Variants in TOGARAM1 observed in about 807,000 individuals in gnomAD.
TOGARAM1 encodes the protein TOG array regulator of axonemal microtubules protein 1.
A neutral mutation model predicts 166.6 loss-of-function variants in TOGARAM1; 100 were observed. The observed-to-expected ratio is 0.60, with a 90% CI of 0.51 to 0.71. The LOEUF (loss-of-function observed/expected upper bound fraction) is 0.71. TOGARAM1 is among the 30% of genes least tolerant of loss of function. The pLI is 0.00. For synonymous variants in TOGARAM1, 758 were observed against 763.8 expected, an observed-to-expected ratio of 0.99 and a Z score of 0.13; for missense variants, 2,029 against 2,102.7, an observed-to-expected ratio of 0.96 and a Z score of 0.69.
At chr14:45,037,841 C>T (rs1881511169) in intron 11 of TOGARAM1, among the ~76,000 whole-genome samples, 1 of 149,598 alleles carries the variant, frequency 6.7e-6, no homozygotes, top group Non-Finnish European at 1.5e-5. Flanking sequence ...TCCTGGTTAA[C>T]ACGGTGAAAC....
chr14:45,011,277 A>G (rs1302933301), intron 6 of TOGARAM1, among the ~76,000 whole-genome samples: 1 of 149,874 alleles, frequency 6.7e-6, no homozygotes, highest in Non-Finnish European at 1.5e-5. Context: ...AAGGATAGGT[A>G]GTAGTTAGAT....
chr14:44,968,748 C>T (rs1885703536), intron 1 of TOGARAM1, among the ~76,000 whole-genome samples: 1 of 152,142 alleles, frequency 6.6e-6, no homozygotes, highest in Non-Finnish European at 1.5e-5. Context: ...AAGATTCACT[C>T]TTGTGTTGTA....
intron 13 of TOGARAM1, among the ~76,000 whole-genome samples, chr14:45,045,690 T>TATGTGTATATATATACATATATAC (rs1882021194): frequency 6.1e-5 from 6 of 97,950 alleles, no homozygotes; most frequent in African/African-American, 4.0e-4. Flanking sequence ...TACACATATA[T>TATGTGTATATATATACATATATAC]ACACATATAT....
chr14:45,014,902 C>T (rs1215946615), intron 7 of TOGARAM1, among the ~76,000 whole-genome samples: 1 of 152,194 alleles, frequency 6.6e-6, no homozygotes, highest in African/African-American at 2.4e-5. Flanking sequence ...AAACTTTTCT[C>T]TGTGAACTTA....
chr14:44,970,716 T>C lies in TOGARAM1; in HGVS notation c.2046+6249T>C, dbSNP rs550658054. Among the ~76,000 whole-genome samples, 101 of 152,290 alleles carry C rather than the reference T, an allele frequency of 6.6e-4. 1 individual carries two copies. Among genetic ancestry groups the C allele is most frequent in the Middle Eastern group, 6.8e-3 (2 of 294 alleles). On this transcript the variant is annotated intron_variant, in intron 1 of 19. Coordinates refer to ENST00000361462, the MANE Select transcript of TOGARAM1 (RefSeq NM_001308120.2). ...TAAAGTTGAGAAAGTTCCCCCTGTA[T>C]TCCTAGTTTGCTGAGAGTTTTCATC...
chr14:44,973,660 A>T (rs1886025136), intron 1 of TOGARAM1, among the ~76,000 whole-genome samples: 1 of 151,318 alleles, frequency 6.6e-6, no homozygotes, highest in African/African-American at 2.4e-5. Context: ...CTTTTCTCTG[A>T]AAAACTTCAA....
At position 44,963,653 on chromosome 14, in the gene TOGARAM1, T is replaced by C. The variant is rs184300474; in HGVS notation, c.1232T>C (p.Val411Ala). The change falls in exon 1 of 20, where the codon GTG becomes GCG. Residue 411 changes from valine to alanine, a missense_variant. Val to Ala is a moderately conservative substitution (Grantham distance 64). This residue lies in a region of TOGARAM1 where 1,453 missense variants were observed against 1,432.2 expected (regional missense o/e 1.01). Coordinates refer to ENST00000361462, the MANE Select transcript of TOGARAM1 (RefSeq NM_001308120.2). ...TTAGACGATTCTAACTTCAAAGTGG[T>C]GCATGGCACACTTGAAGTCCTGCAT... ...NLLDDSNFKV[V>A]HGTLEVLHLL... is the part of the protein sequence containing the mutation. 1 of 1,613,422 alleles carries C rather than the reference T, an allele frequency of 6.2e-7. No individual in the cohort carries two copies. Among genetic ancestry groups the C allele is most frequent in the Non-Finnish European group, 8.5e-7 (1 of 1,180,022 alleles).
chr14:44,999,568 T>C (rs1887601090), intron 3 of TOGARAM1, 71 bp downstream of exon 3: 2 of 1,328,430 alleles, frequency 1.5e-6, no homozygotes, highest in Non-Finnish European at 2.0e-6. Flanking sequence ...CACTAACTTA[T>C]ATGATATTTT....
chr14:45,053,897 T>C (rs1001411329), intron 15 of TOGARAM1, among the ~76,000 whole-genome samples: 1 of 152,106 alleles, frequency 6.6e-6, no homozygotes, highest in African/African-American at 2.4e-5. Flanking sequence ...ATTATTATTT[T>C]GAAACAGAGT....
intron 7 of TOGARAM1, among the ~76,000 whole-genome samples, chr14:45,016,671 A>G (rs1880160212): frequency 2.0e-5 from 3 of 152,200 alleles, no homozygotes; most frequent in African/African-American, 2.4e-5. Flanking sequence ...TGCTGGGATT[A>G]CAGATGCGAT....
intron 10 of TOGARAM1, among the ~76,000 whole-genome samples, chr14:45,030,141 A>G (rs1416671277): frequency 2.0e-5 from 3 of 152,186 alleles, no homozygotes; most frequent in African/African-American, 4.8e-5. Flanking sequence ...TTTTTAAAAA[A>G]AAAAATCTTC....
intron 16 of TOGARAM1, among the ~76,000 whole-genome samples, chr14:45,055,844 T>G (rs1260094551): frequency 6.8e-6 from 1 of 146,444 alleles, no homozygotes; most frequent in Non-Finnish European, 1.5e-5. Context: ...CTTGGGCTCT[T>G]TTTTTTTTTT....
chr14:45,061,183 A>G (rs772011767), intron 16 of TOGARAM1, among the ~76,000 whole-genome samples: 7 of 152,176 alleles, frequency 4.6e-5, no homozygotes, highest in East Asian at 1.9e-4. Context: ...ATGGATTTCT[A>G]TTTTATTCTG....
chr14:44,995,484 C>T (rs1212308808), intron 1 of TOGARAM1: 1 of 494,398 alleles, frequency 2.0e-6, no homozygotes, highest in South Asian at 1.5e-5. Flanking sequence ...TTCCTTGTTG[C>T]CAGAGTCTGC....
intron 15 of TOGARAM1, among the ~76,000 whole-genome samples, chr14:45,053,719 G>T (rs1290198522): frequency 6.6e-6 from 1 of 151,954 alleles, no homozygotes; most frequent in Admixed American, 6.6e-5. Flanking sequence ...AGTCTTTCCA[G>T]TACAGGAAAA....
chr14:45,014,610 T>A (rs1352726056), intron 7 of TOGARAM1, among the ~76,000 whole-genome samples: 3 of 152,172 alleles, frequency 2.0e-5, no homozygotes, highest in Admixed American at 2.0e-4. Context: ...ACGCTCAGAA[T>A]AAAGACTATT....
intron 7 of TOGARAM1, among the ~76,000 whole-genome samples, chr14:45,023,612 G>C (rs1365499828): frequency 6.6e-6 from 1 of 152,120 alleles, no homozygotes; most frequent in Non-Finnish European, 1.5e-5. Flanking sequence ...TCGTCCCTCA[G>C]ACCTGTGTAA....
Position 45,032,341 on chromosome 14 carries a change from G to A in TOGARAM1, c.3777G>A (p.Leu1259=), listed in dbSNP as rs149364303. ...LRPFSKPEIA[L]TEALRLLADE... ...CATTCTCTAAACCAGAAATAGCACTGACAGAAGCCCTGAGGCTTTTGGCTG... is the reference window on the plus strand; with the variant it reads ...CATTCTCTAAACCAGAAATAGCACTAACAGAAGCCCTGAGGCTTTTGGCTG... The change falls in exon 11 of 20, where the codon CTG becomes CTA. Residue 1259 remains leucine (L), a synonymous_variant. Transcript: ENST00000361462. 194 of 1,614,016 alleles carry A rather than the reference G, an allele frequency of 1.2e-4. No homozygotes were observed. The African/African-American group carries it at 2.3e-3, about 19-fold the overall frequency.
rs1003650177 is a variant in TOGARAM1, at chr14:45,047,358, C to T, written c.4313+655C>T. On this transcript the variant is annotated intron_variant, in intron 14 of 19. Coordinates refer to ENST00000361462, the MANE Select transcript of TOGARAM1 (RefSeq NM_001308120.2). ...AGTGAGCCGAGATTGCGCCATTGCA[C>T]TCCAGCCTGGGTGACAGAGCGAGAC... Among the ~76,000 whole-genome samples, 9 of 150,320 alleles carry T rather than the reference C, an allele frequency of 6.0e-5. No homozygotes were observed. In the East Asian group the frequency reaches 1.8e-3, roughly 29 times the overall value.
Sources: allele counts gnomAD v4.1 joint callset (sites outside exome capture counted in the v4.1 genomes callset), GRCh38; gene constraint gnomAD v4.1.1; regional missense constraint gnomAD v4.1.1; transcripts MANE v1.5; gene names NCBI Gene and HGNC (gene_info 2026-07-23, HGNC 2026-07-21).